DCAF5: variants seen among roughly 807,000 people sequenced by gnomAD.
DCAF5 encodes DDB1 and CUL4 associated factor 5, also known as DDB1- and CUL4-associated factor 5.
Under a neutral mutation model 80.7 loss-of-function variants are expected in DCAF5, and 9 were observed. The ratio of observed to expected loss-of-function variants is 0.11; its 90% CI spans 0.07 to 0.19. DCAF5 has a LOEUF of 0.19. Ranked by LOEUF, DCAF5 falls within the 10% of genes least tolerant of loss-of-function variation. The pLI is 1.00. For synonymous variants in DCAF5, 433 were observed against 461.9 expected, an observed-to-expected ratio of 0.94 and a Z score of 0.80; for missense variants, 842 against 1,205.7, an observed-to-expected ratio of 0.70 and a Z score of 4.47.
chr14:69,060,000 G>T (rs1017796733), intron 8 of DCAF5, among the ~76,000 whole-genome samples: 2 of 152,094 alleles, frequency 1.3e-5, no homozygotes, highest in Non-Finnish European at 2.9e-5. Flanking sequence ...ACAATAAATA[G>T]GGAGATTTAT....
chr14:69,062,516 G>A lies in DCAF5; in HGVS notation c.947-5C>T. 2 of 1,610,038 alleles carry A rather than the reference G, an allele frequency of 1.2e-6. No homozygotes were observed. The highest frequency in any genetic ancestry group is 1.7e-6 in the Non-Finnish European group (2 of 1,177,656). ...TGACCACCCTACCAATGCCACCTGG[G>A]AAAACAGAAGGAAACAAAAATCAGA... On this transcript the variant is annotated splice_region_variant and splice_polypyrimidine_tract_variant and intron_variant, in intron 7 of 8. Coordinates refer to ENST00000341516, the MANE Select transcript of DCAF5 (RefSeq NM_003861.3).
Position 69,054,055 on chromosome 14 carries a change from T to G in DCAF5, c.2631A>C (p.Thr877=), listed in dbSNP as rs954936891. The G allele has an allele frequency of 4.3e-6, 7 of 1,613,986 alleles. No homozygotes were observed. The East Asian group carries it at 1.6e-4, about 36-fold the overall frequency. Reference sequence around the variant, plus strand: ...ACCCGCAACAATCTTTGTGTAGGAGTGTCCCTGTCAGGGACGAGTTATCAC... The same window carrying G: ...ACCCGCAACAATCTTTGTGTAGGAGGGTCCCTGTCAGGGACGAGTTATCAC... ...TDRDNSSLTG[T]LLHKDCCGSE... The change falls in exon 9 of 9, where the codon ACA becomes ACC. Residue 877 remains threonine, a synonymous_variant. Transcript: ENST00000341516.
intron 5 of DCAF5, among the ~76,000 whole-genome samples, chr14:69,096,932 A>C (rs959488910): frequency 2.0e-5 from 3 of 152,056 alleles, no homozygotes; most frequent in Non-Finnish European, 4.4e-5. Context: ...AGAAGGAAAA[A>C]AGCAAGGGGA....
In DCAF5 at chr14:69,051,709, C is replaced by T. The variant is rs2037767856; in HGVS notation, c.*2148G>A. On this transcript the variant is annotated 3_prime_UTR_variant, in exon 9 of 9. Transcript: ENST00000341516. ...GTTCCCAAGGGAACTTTAACTACTT[C>T]TTTTCAGGAAGATATGTATCCGATT... is the stretch of plus-strand genomic sequence containing the variant. 2 of 152,454 alleles carry T rather than the reference C, an allele frequency of 1.3e-5. No individual in the cohort carries two copies. The allele number at this position is 152,454 out of a possible 1,614,324, so 9.4% of individuals were successfully genotyped here. A position where few individuals can be genotyped will look rare whatever the true frequency, so the allele number is the denominator to read the frequency against.
At chr14:69,068,138 T>C (rs2038536317) in intron 7 of DCAF5, among the ~76,000 whole-genome samples, 1 of 152,224 alleles carries the variant, frequency 6.6e-6, no homozygotes, top group South Asian at 2.1e-4. Flanking sequence ...AGTGCATATG[T>C]CTGTGTGTGT....
chr14:69,143,011 G>A (rs1237448884), intron 1 of DCAF5, among the ~76,000 whole-genome samples: 1 of 152,182 alleles, frequency 6.6e-6, no homozygotes, highest in East Asian at 1.9e-4. Flanking sequence ...CAGAGTGTGA[G>A]GAAGAAGGAG....
At position 69,137,533 on chromosome 14, in the gene DCAF5, T is replaced by C. The variant is rs563929029; in HGVS notation, c.215-15173A>G. 3.3e-5 allele frequency among the ~76,000 whole-genome samples: 5 copies of C among 152,322 alleles called. No individual in the cohort carries two copies. In the South Asian group the frequency reaches 1.0e-3, roughly 32 times the overall value. On this transcript the variant is annotated intron_variant, in intron 1 of 8. Coordinates refer to ENST00000341516, the MANE Select transcript of DCAF5 (RefSeq NM_003861.3). ...CAAAATTAACAACATAATAAAGCTTTCTTGTCTCTTCTTTGGCAATTCTAA... is the reference window on the plus strand; with the variant it reads ...CAAAATTAACAACATAATAAAGCTTCCTTGTCTCTTCTTTGGCAATTCTAA...
At chr14:69,148,159 AAG>A (rs1475465226) in intron 1 of DCAF5, among the ~76,000 whole-genome samples, 13 of 152,238 alleles carry the variant, frequency 8.5e-5, no homozygotes, top group Non-Finnish European at 1.8e-4. Context: ...TTCTAAGAAA[AAG>A]GAAAAGCATA....
intron 1 of DCAF5, among the ~76,000 whole-genome samples, chr14:69,125,952 C>T (rs555813824): frequency 6.6e-6 from 1 of 151,464 alleles, no homozygotes; most frequent in East Asian, 1.9e-4. Context: ...AAAAAAAATA[C>T]AGAAGTGATT....
In DCAF5 at chr14:69,152,958, C is replaced by T. The variant is rs1341745816; in HGVS notation, c.21G>A (p.Leu7=). The change falls in exon 1 of 9, where the codon CTG becomes CTA. Residue 7 remains leucine (L), a synonymous_variant. Coordinates refer to ENST00000341516, the MANE Select transcript of DCAF5 (RefSeq NM_003861.3). This position sits in a 1 kb window ranked among gnomAD's most constrained non-coding sequence, Gnocchi z 4.1. MKRRAG[L]GGSMRSVVGF... is the part of the protein sequence containing the mutation. ...CCACCACTGACCTCATGCTGCCCCCCAGGCCAGCTCTCCTCTTCATGCTGG... is the reference window on the plus strand; with the variant it reads ...CCACCACTGACCTCATGCTGCCCCCTAGGCCAGCTCTCCTCTTCATGCTGG... The T allele has an allele frequency of 1.2e-6, 2 of 1,608,518 alleles. No homozygotes were observed. The highest frequency in any genetic ancestry group is 1.7e-6 in the Non-Finnish European group (2 of 1,178,370).
At chr14:69,060,216 T>C (rs1386543142) in intron 8 of DCAF5, among the ~76,000 whole-genome samples, 1 of 152,146 alleles carries the variant, frequency 6.6e-6, no homozygotes, top group African/African-American at 2.4e-5. Context: ...ACTGAAAGGA[T>C]AGAATCCAGC....
intron 1 of DCAF5, among the ~76,000 whole-genome samples, chr14:69,134,591 G>A (rs952163303): frequency 4.6e-5 from 7 of 152,230 alleles, no homozygotes; most frequent in Admixed American, 2.6e-4. Flanking sequence ...GAGAAATTAG[G>A]AGAATGTGAC....
At chr14:69,056,056 T>C (rs2037958820) in intron 8 of DCAF5, among the ~76,000 whole-genome samples, 1 of 152,188 alleles carries the variant, frequency 6.6e-6, no homozygotes, top group Non-Finnish European at 1.5e-5. Context: ...AGGTACCACT[T>C]TTCCCAAATG....
intron 1 of DCAF5, among the ~76,000 whole-genome samples, chr14:69,133,462 A>G (rs186597547): frequency 7.9e-4 from 121 of 152,292 alleles, no homozygotes; most frequent in Admixed American, 7.8e-3. Flanking sequence ...TTTTTGGCCC[A>G]GGGATAAGTT....
At chr14:69,131,382 C>T (rs1003988925) in intron 1 of DCAF5, among the ~76,000 whole-genome samples, 1 of 152,068 alleles carries the variant, frequency 6.6e-6, no homozygotes, top group African/African-American at 2.4e-5. Context: ...TTAACCATAC[C>T]TCTCCTAAGC....
In DCAF5 at chr14:69,053,535, A is replaced by G; in HGVS notation, c.*322T>C. 1 of 270,488 alleles carries G rather than the reference A, an allele frequency of 3.7e-6. No individual in the cohort carries two copies. Among genetic ancestry groups the G allele is most frequent in the Admixed American group, 4.9e-5 (1 of 20,434 alleles). 16.8% of individuals were successfully genotyped at this position (270,488 alleles called of 1,614,324 possible). A position where few individuals can be genotyped will look rare whatever the true frequency, so the allele number is the denominator to read the frequency against. ...TAAGCGCACACGTGCCATTGTGCGTACACAAGAACAAGTCGAACGTCTCAA... is the reference window on the plus strand; with the variant it reads ...TAAGCGCACACGTGCCATTGTGCGTGCACAAGAACAAGTCGAACGTCTCAA... On this transcript the variant is annotated 3_prime_UTR_variant, in exon 9 of 9. Transcript: ENST00000341516.
intron 5 of DCAF5, among the ~76,000 whole-genome samples, chr14:69,116,143 G>C (rs920403582): frequency 6.6e-6 from 1 of 152,194 alleles, no homozygotes; most frequent in African/African-American, 2.4e-5. Context: ...CCTGTCTACA[G>C]TCCAGATTAC....
rs2041759995 is a variant in DCAF5, at chr14:69,153,116, G to A, written c.-138C>T. 1 of 634,852 alleles carries A rather than the reference G, an allele frequency of 1.6e-6. No individual in the cohort carries two copies. 39.3% of individuals were successfully genotyped at this position (634,852 alleles called of 1,614,324 possible). A position where few individuals can be genotyped will look rare whatever the true frequency, so the allele number is the denominator to read the frequency against. On this transcript the variant is annotated 5_prime_UTR_variant, in exon 1 of 9. Coordinates refer to ENST00000341516, the MANE Select transcript of DCAF5 (RefSeq NM_003861.3). ...AACCAGCCATGGCAGGCAGAGCGAG[G>A]TGTGCAGACACTCGGCGGCGTTCGC... is the stretch of plus-strand genomic sequence containing the variant.
chr14:69,071,571 C>T (rs1006803534), intron 7 of DCAF5, among the ~76,000 whole-genome samples: 2 of 136,694 alleles, frequency 1.5e-5, no homozygotes, highest in African/African-American at 5.5e-5. Flanking sequence ...CCAAAAGGTA[C>T]ACAGAGAATA....
Sources: allele counts gnomAD v4.1 joint callset (sites outside exome capture counted in the v4.1 genomes callset), GRCh38; gene constraint gnomAD v4.1.1; non-coding constraint Gnocchi (gnomAD v3.1); transcripts MANE v1.5; gene names NCBI Gene and HGNC (gene_info 2026-07-23, HGNC 2026-07-21).